The following SCEL variants were observed in gnomAD, a reference collection of about 807,000 sequenced individuals.
SCEL encodes sciellin.
In SCEL, 113 loss-of-function variants were observed where a neutral mutation model predicts 117.6. The ratio of observed to expected loss-of-function variants is 0.96; its 90% CI spans 0.83 to 1.12. The LOEUF is 1.12. SCEL is among the 50% of genes most tolerant of loss of function. The pLI, the probability that SCEL is intolerant of heterozygous loss-of-function variation, is 0.00. For missense variants in SCEL, 785 were observed against 810.8 expected, an observed-to-expected ratio of 0.97 and a Z score of 0.39; for synonymous variants, 270 against 256.2, an observed-to-expected ratio of 1.05 and a Z score of -0.51.
chr13:77,583,076 T>C (rs538257164), intron 9 of SCEL, among the ~76,000 whole-genome samples: 1 of 152,344 alleles, frequency 6.6e-6, no homozygotes, highest in African/African-American at 2.4e-5. Context: ...ATTTAAATTT[T>C]ATTAACCACA....
intron 1 of SCEL, among the ~76,000 whole-genome samples, chr13:77,536,043 GGCATCACAGAAACGA>G (rs2083409152): frequency 6.6e-6 from 1 of 151,688 alleles, no homozygotes; most frequent in Non-Finnish European, 1.5e-5. Context: ...ACACGTTATG[GGCATCACAGAAACGA>G]GCACCTATTT....
chr13:77,628,830 A>G (rs1344339862), intron 28 of SCEL, among the ~76,000 whole-genome samples: 1 of 152,134 alleles, frequency 6.6e-6, no homozygotes, highest in Non-Finnish European at 1.5e-5. Context: ...ACAGGTAGAT[A>G]GTTTCTTTCC....
chr13:77,624,100 CTTT>C (rs566206052), intron 27 of SCEL, among the ~76,000 whole-genome samples: 16,973 of 119,490 alleles, frequency 0.14, 940 homozygotes, highest in East Asian at 0.41. Flanking sequence ...CTTGTCTTCA[CTTT>C]TTTTTTTTTT....
At position 77,592,351 on chromosome 13, in the gene SCEL, G is replaced by A. The variant is rs182914767; in HGVS notation, c.692+891G>A. Among the ~76,000 whole-genome samples the A allele has an allele frequency of 6.6e-5, 10 of 152,266 alleles. No individual in the cohort carries two copies. The East Asian group carries it at 1.9e-3, about 29-fold the overall frequency. Reference sequence around the variant, plus strand: ...TCAATGCATGTTCTGCAAAAGAAGAGTTCAGTGTTTCACTACATTTAGGAA... The same window carrying A: ...TCAATGCATGTTCTGCAAAAGAAGAATTCAGTGTTTCACTACATTTAGGAA... On this transcript the variant is annotated intron_variant, in intron 11 of 32. Transcript: ENST00000349847.
chr13:77,625,240 A>C (rs1315190166), intron 27 of SCEL, among the ~76,000 whole-genome samples: 4 of 152,218 alleles, frequency 2.6e-5, no homozygotes, highest in Non-Finnish European at 4.4e-5. Flanking sequence ...TATTGAGTAA[A>C]GTATTACTTA....
At chr13:77,560,543 T>G (rs571572973) in intron 4 of SCEL, among the ~76,000 whole-genome samples, 1 of 152,310 alleles carries the variant, frequency 6.6e-6, no homozygotes, top group African/African-American at 2.4e-5. Context: ...TCACTTGCTT[T>G]ATGGGACAGT....
intron 26 of SCEL, 21 bp from the exon 27 acceptor site, chr13:77,617,983 T>TTC: frequency 6.2e-7 from 1 of 1,611,380 alleles, no homozygotes; most frequent in Admixed American, 1.7e-5. Flanking sequence ...CTGAACTTTT[T>TTC]TCTCTCTCTC....
At chr13:77,554,661 T>C (rs2084545930) in intron 1 of SCEL, among the ~76,000 whole-genome samples, 1 of 152,206 alleles carries the variant, frequency 6.6e-6, no homozygotes, top group African/African-American at 2.4e-5. Flanking sequence ...TTTATGTACA[T>C]TATTCATTTG....
At chr13:77,622,893 C>T (rs553457774) in intron 27 of SCEL, among the ~76,000 whole-genome samples, 4 of 152,164 alleles carry the variant, frequency 2.6e-5, no homozygotes, top group African/African-American at 9.6e-5. Flanking sequence ...TTATTAGTTG[C>T]AATAGTCAGT....
At chr13:77,610,215 G>A (rs1567415379) in intron 22 of SCEL, 109 bp downstream of exon 22, 11 of 622,170 alleles carry the variant, frequency 1.8e-5, no homozygotes, top group Middle Eastern at 5.4e-4. Context: ...CAGTTTAGGA[G>A]GCCGAGGCGG....
intron 9 of SCEL, among the ~76,000 whole-genome samples, chr13:77,582,158 A>G (rs2086297035): frequency 6.6e-6 from 1 of 152,142 alleles, no homozygotes; most frequent in Non-Finnish European, 1.5e-5. Flanking sequence ...GGAATCACAC[A>G]TTATATACAC....
intron 1 of SCEL, among the ~76,000 whole-genome samples, chr13:77,544,026 C>G (rs1428412705): frequency 1.3e-5 from 2 of 152,176 alleles, no homozygotes; most frequent in African/African-American, 4.8e-5. Flanking sequence ...CAAGAAGACT[C>G]TGACTTCACT....
chr13:77,558,337 C>T (rs906638738), intron 3 of SCEL, among the ~76,000 whole-genome samples: 8 of 152,042 alleles, frequency 5.3e-5, no homozygotes, highest in African/African-American at 9.7e-5. Context: ...GTTATAATTC[C>T]GCCTCAGATA....
At chr13:77,585,605 C>G (rs1484826069) in intron 9 of SCEL, among the ~76,000 whole-genome samples, 6 of 152,214 alleles carry the variant, frequency 3.9e-5, no homozygotes, top group Non-Finnish European at 8.8e-5. Flanking sequence ...ATCCATCACC[C>G]ACGGCCTCAC....
At chr13:77,549,387 A>G (rs960442945) in intron 1 of SCEL, among the ~76,000 whole-genome samples, 1 of 152,212 alleles carries the variant, frequency 6.6e-6, no homozygotes, top group East Asian at 1.9e-4. Context: ...CAGGTGCTCA[A>G]TTGAAATAAC....
intron 32 of SCEL, among the ~76,000 whole-genome samples, chr13:77,643,668 T>G (rs2090665752): frequency 6.6e-6 from 1 of 152,060 alleles, no homozygotes; most frequent in African/African-American, 2.4e-5. Context: ...GACAAATGTG[T>G]GATATTAATG....
At chr13:77,608,668 A>G (rs1190123141) in intron 20 of SCEL, among the ~76,000 whole-genome samples, 1 of 152,182 alleles carries the variant, frequency 6.6e-6, no homozygotes, top group African/African-American at 2.4e-5. Flanking sequence ...ATGGGTATAA[A>G]ATCCATTTTT....
intron 27 of SCEL, among the ~76,000 whole-genome samples, chr13:77,621,769 C>T (rs2089438649): frequency 6.6e-6 from 1 of 152,098 alleles, no homozygotes; most frequent in Admixed American, 6.5e-5. Flanking sequence ...CATTCTGAGC[C>T]CCTATGAGTG....
rs1173245728 is a variant in SCEL, at chr13:77,556,578, T to C, written c.44-18T>C. 2.5e-6 allele frequency: 4 copies of C among 1,601,210 alleles called. No individual in the cohort carries two copies. The highest frequency in any genetic ancestry group is 3.4e-6 in the Non-Finnish European group (4 of 1,168,428). The stretch of plus-strand genomic sequence containing the variant: ...CCACACTATTACATCTTCCAGTCTT[T>C]CATGTTTCTGTTGATAGAGATGAAG... On this transcript the variant is annotated intron_variant, in intron 2 of 32. Coordinates refer to ENST00000349847, the MANE Select transcript of SCEL (RefSeq NM_144777.3).
Sources: allele counts gnomAD v4.1 joint callset (sites outside exome capture counted in the v4.1 genomes callset), GRCh38; gene constraint gnomAD v4.1.1; transcripts MANE v1.5; gene names NCBI Gene and HGNC (gene_info 2026-07-23, HGNC 2026-07-21).